The following MACROH2A1 variants were observed in gnomAD, a reference collection of about 807,000 sequenced individuals.
The protein encoded by MACROH2A1 is core histone macro-H2A.1.
Under a neutral mutation model 31.6 loss-of-function variants are expected in MACROH2A1, and 2 were observed. The ratio of observed to expected loss-of-function variants is 0.06; its 90% CI spans 0.03 to 0.20. The LOEUF (loss-of-function observed/expected upper bound fraction) is 0.20. Ranked by LOEUF, MACROH2A1 falls within the 10% of genes least tolerant of loss-of-function variation. The probability of loss-of-function intolerance (pLI) is 1.00; values close to 1 mark genes in which losing one functional copy is unlikely to be tolerated. For synonymous variants in MACROH2A1, 169 were observed against 189.6 expected (o/e 0.89, Z 0.89); for missense variants, 230 against 474.0 (o/e 0.49, Z 4.78).
intron 4 of MACROH2A1, among the ~76,000 whole-genome samples, chr5:135,368,964 G>A (rs888626885): frequency 6.6e-6 from 1 of 152,214 alleles, no homozygotes; most frequent in Non-Finnish European, 1.5e-5. Context: ...TGTCTAGAGC[G>A]CCCTGATGGA....
At chr5:135,384,934 G>A (rs973069222) in intron 2 of MACROH2A1, among the ~76,000 whole-genome samples, 8 of 152,164 alleles carry the variant, frequency 5.3e-5, no homozygotes, top group Non-Finnish European at 8.8e-5. Flanking sequence ...GAACACAGTG[G>A]ACCCCAAGTG....
intron 4 of MACROH2A1, chr5:135,362,741 C>G (rs1762995872): frequency 6.6e-6 from 1 of 152,126 alleles, no homozygotes. Flanking sequence ...AATAAATGTG[C>G]TAACTATCCA....
At chr5:135,385,035 G>A (rs114743785) in intron 2 of MACROH2A1, among the ~76,000 whole-genome samples, 2,632 of 152,290 alleles carry the variant, frequency 0.017, 87 homozygotes, top group African/African-American at 0.06. Flanking sequence ...AGTCCTCTTA[G>A]CAATCCCTGG....
At chr5:135,378,957 T>G (rs1344914760) in intron 2 of MACROH2A1, among the ~76,000 whole-genome samples, 1 of 152,128 alleles carries the variant, frequency 6.6e-6, no homozygotes, top group African/African-American at 2.4e-5. Context: ...CTACTCAAGT[T>G]AAGTACCCTC....
In MACROH2A1 at chr5:135,382,402, T is replaced by G. The variant is rs115033370; in HGVS notation, c.172+6520A>C. ...CCATGGCTTATCTTCAAGATAGCAA[T>G]GAGATTTTCAACAAATGGTGCTAGA... On this transcript the variant is annotated intron_variant, in intron 2 of 8. Transcript: ENST00000511689. 9.8e-4 allele frequency among the ~76,000 whole-genome samples: 150 copies of G among 152,318 alleles called. 1 individual carries two copies. Among genetic ancestry groups the G allele is most frequent in the African/African-American group, 3.6e-3 (148 of 41,562 alleles).
At chr5:135,336,921 T>A (rs182890830) in intron 8 of MACROH2A1, among the ~76,000 whole-genome samples, 6 of 152,322 alleles carry the variant, frequency 3.9e-5, no homozygotes, top group African/African-American at 1.4e-4. Context: ...TGCTTCTAAC[T>A]GTGGGCTGGG....
At chr5:135,362,539 T>C (rs542208391) in intron 4 of MACROH2A1, 1 of 152,304 alleles carries the variant, frequency 6.6e-6, no homozygotes, top group South Asian at 2.1e-4. Context: ...CCTAGAAATA[T>C]ATAAAAATAG....
intron 4 of MACROH2A1, among the ~76,000 whole-genome samples, chr5:135,365,282 G>A (rs769402822): frequency 1.6e-4 from 24 of 152,110 alleles, no homozygotes; most frequent in Non-Finnish European, 2.8e-4. Context: ...GTCCTATCAC[G>A]TTCTCTTAAG....
chr5:135,383,729 G>T (rs545215054), intron 2 of MACROH2A1, among the ~76,000 whole-genome samples: 6 of 147,258 alleles, frequency 4.1e-5, no homozygotes, highest in Admixed American at 2.0e-4. Flanking sequence ...GTGTGTGTGT[G>T]TGTGTGTGTG....
At chr5:135,379,328 G>C (rs1765334888) in intron 2 of MACROH2A1, among the ~76,000 whole-genome samples, 1 of 152,210 alleles carries the variant, frequency 6.6e-6, no homozygotes, top group South Asian at 2.1e-4. Flanking sequence ...CCACTAAATG[G>C]AAGATGCACT....
At chr5:135,382,039 T>C (rs1365840910) in intron 2 of MACROH2A1, among the ~76,000 whole-genome samples, 6 of 152,202 alleles carry the variant, frequency 3.9e-5, no homozygotes, top group African/African-American at 1.2e-4. Context: ...AAGAAGTAAA[T>C]AGATCCCAAA....
At chr5:135,336,548 C>G (rs1430950962) in intron 8 of MACROH2A1, among the ~76,000 whole-genome samples, 2 of 152,226 alleles carry the variant, frequency 1.3e-5, no homozygotes, top group Admixed American at 1.3e-4. Context: ...ACAACTCTTC[C>G]CATGAGAGGG....
chr5:135,339,022 T>C (rs1390614993), intron 8 of MACROH2A1, among the ~76,000 whole-genome samples: 2 of 152,134 alleles, frequency 1.3e-5, no homozygotes, highest in Admixed American at 6.5e-5. Flanking sequence ...GCGTGCACTG[T>C]TTGTTGTTTC....
At chr5:135,381,702 ATC>A (rs1765677060) in intron 2 of MACROH2A1, among the ~76,000 whole-genome samples, 1 of 152,272 alleles carries the variant, frequency 6.6e-6, no homozygotes, top group Admixed American at 6.5e-5. Flanking sequence ...CAGTGACTGA[ATC>A]TGTTTAATAC....
intron 2 of MACROH2A1, among the ~76,000 whole-genome samples, chr5:135,380,686 A>T (rs1170947795): frequency 6.6e-6 from 1 of 152,216 alleles, no homozygotes; most frequent in Non-Finnish European, 1.5e-5. Context: ...TATTCTCCCA[A>T]GATCTTGGCC....
intron 8 of MACROH2A1, among the ~76,000 whole-genome samples, 169 bp from the exon 9 acceptor site, chr5:135,335,310 G>A (rs1204318382): frequency 4.6e-5 from 7 of 152,234 alleles, no homozygotes; most frequent in Admixed American, 2.0e-4. Context: ...CCAGTGCCCA[G>A]AAGATGGGAT....
chr5:135,343,163 CG>C lies in MACROH2A1; in HGVS notation c.953+96del, dbSNP rs750750676. The C allele has an allele frequency of 4.3e-5, 68 of 1,597,232 alleles. 1 individual carries two copies. The African/African-American group carries it at 8.4e-4, about 20-fold the overall frequency. ...TGGTCTCCTTGGTTAAGGCAGCCTC[CG>C]TGGGCCTTGCACAGAGTGAGAGCAC... is the stretch of plus-strand genomic sequence containing the variant. On this transcript the variant is annotated intron_variant, in intron 8 of 8. Transcript: ENST00000511689.
intron 5 of MACROH2A1, chr5:135,355,097 T>G (rs950936982): frequency 7.7e-5 from 35 of 455,964 alleles, no homozygotes; most frequent in Non-Finnish European, 1.4e-4. Context: ...AAGAAGCTAT[T>G]TTGGCGGGCT....
chr5:135,343,119 C>A (rs1478391145), intron 8 of MACROH2A1, 141 bp downstream of exon 8: 2 of 1,559,042 alleles, frequency 1.3e-6, no homozygotes, highest in Non-Finnish European at 1.7e-6. Context: ...TGTCTGCATT[C>A]TTCCCTGTGT....
Sources: gnomAD v4.1 joint callset for allele counts (sites outside exome capture counted in the v4.1 genomes callset) on GRCh38, gnomAD v4.1.1 for gene constraint, MANE v1.5 for transcripts, NCBI Gene and HGNC (gene_info 2026-07-23, HGNC 2026-07-21) for gene names.